The following CNTNAP2 variants were observed in gnomAD, a reference collection of about 807,000 sequenced individuals.
CNTNAP2 encodes the protein contactin associated protein 2, also known as contactin-associated protein-like 2.
CNTNAP2 carries 98 observed loss-of-function variants against 155.2 expected under a neutral mutation model. That is an observed-to-expected ratio of 0.63 (90% confidence interval 0.54 to 0.75). The LOEUF is 0.75. Ranked by LOEUF, CNTNAP2 falls within the 30% of genes least tolerant of loss-of-function variation. The probability of loss-of-function intolerance (pLI) is 0.00; values close to 1 mark genes in which losing one functional copy is unlikely to be tolerated. For synonymous variants in CNTNAP2, 651 were observed against 631.2 expected (o/e 1.03, Z -0.47); for missense variants, 1,727 against 1,688.1 (o/e 1.02, Z -0.40).
intron 12 of CNTNAP2, among the ~76,000 whole-genome samples, chr7:147,570,243 G>C (rs1443969244): frequency 6.6e-6 from 1 of 152,140 alleles, no homozygotes; most frequent in Non-Finnish European, 1.5e-5. Flanking sequence ...CCCACCCCCA[G>C]TCTAGGAGAG....
intron 9 of CNTNAP2, among the ~76,000 whole-genome samples, chr7:147,344,384 G>A (rs145323127): frequency 9.2e-5 from 14 of 152,180 alleles, no homozygotes; most frequent in Non-Finnish European, 1.6e-4. Flanking sequence ...AAGCTAAGAG[G>A]ATAAATTGAA....
intron 9 of CNTNAP2, among the ~76,000 whole-genome samples, chr7:147,331,488 CCG>C (rs1795567916): frequency 6.6e-6 from 1 of 151,938 alleles, no homozygotes; most frequent in Non-Finnish European, 1.5e-5. Context: ...ACAGCATTAG[CCG>C]TGGCAACAAT....
At position 148,283,302 on chromosome 7, in the gene CNTNAP2, A is replaced by AG. The variant is rs1563024753; in HGVS notation, c.3475+16177dup. 2.5e-4 allele frequency among the ~76,000 whole-genome samples: 25 copies of AG among 99,870 alleles called. 1 individual carries two copies. The highest frequency in any genetic ancestry group is 1.3e-3 in the African/African-American group (23 of 17,746). The allele number at this position is 99,870 out of a possible 152,430, so 65.5% of individuals were successfully genotyped here. A position where few individuals can be genotyped will look rare whatever the true frequency, so the allele number is the denominator to read the frequency against. ...AAGAAAGAAAGAAAGAAAGAAAGAA[A>AG]GAAAGGAAGGAAGGAAGGAAAGAAA... On this transcript the variant is annotated intron_variant, in intron 21 of 23. Coordinates refer to ENST00000361727, the MANE Select transcript of CNTNAP2 (RefSeq NM_014141.6).
intron 15 of CNTNAP2, among the ~76,000 whole-genome samples, chr7:148,029,213 C>A (rs1802425483): frequency 6.6e-6 from 1 of 152,068 alleles, no homozygotes; most frequent in African/African-American, 2.4e-5. Flanking sequence ...ACAGTGAGCT[C>A]AGCAAAACAA....
intron 3 of CNTNAP2, among the ~76,000 whole-genome samples, chr7:147,033,491 A>T (rs1799084790): frequency 6.6e-6 from 1 of 151,928 alleles, no homozygotes; most frequent in African/African-American, 2.4e-5. Flanking sequence ...TCAGTCTAGC[A>T]TGCTCTATTT....
chr7:147,975,008 T>C (rs1801401465), intron 14 of CNTNAP2, among the ~76,000 whole-genome samples: 1 of 151,564 alleles, frequency 6.6e-6, no homozygotes, highest in African/African-American at 2.4e-5. Context: ...ACATGTATTA[T>C]ACAATTTTTT....
At position 147,670,955 on chromosome 7, in the gene CNTNAP2, C is replaced by G. The variant is rs143306602; in HGVS notation, c.2098+31649C>G. Among the ~76,000 whole-genome samples, 383 of 152,336 alleles carry G rather than the reference C, an allele frequency of 2.5e-3. 1 individual carries two copies. The highest frequency in any genetic ancestry group is 8.8e-3 in the African/African-American group (365 of 41,580). On this transcript the variant is annotated intron_variant, in intron 13 of 23. Coordinates refer to ENST00000361727, the MANE Select transcript of CNTNAP2 (RefSeq NM_014141.6). ...CTAAAAGAGCACTGTAACACTCCCT[C>G]TGGAGCTTCAGGGGTCATGGGCATC...
intron 1 of CNTNAP2, among the ~76,000 whole-genome samples, chr7:146,613,280 G>T (rs951969969): frequency 6.6e-6 from 1 of 152,164 alleles, no homozygotes; most frequent in Non-Finnish European, 1.5e-5. Context: ...TGGCACTAAA[G>T]AACTCTGATA....
chr7:146,239,353 A>C (rs1799523912), intron 1 of CNTNAP2, among the ~76,000 whole-genome samples: 1 of 152,138 alleles, frequency 6.6e-6, no homozygotes, highest in Non-Finnish European at 1.5e-5. Context: ...TAAAAAGCAA[A>C]GTTTTTCATT....
chr7:146,206,332 G>A (rs1055785466), intron 1 of CNTNAP2, among the ~76,000 whole-genome samples: 5 of 151,096 alleles, frequency 3.3e-5, no homozygotes, highest in African/African-American at 4.8e-5. Flanking sequence ...AAACATATAC[G>A]TGAAATTATT....
chr7:146,179,425 A>C lies in CNTNAP2; in HGVS notation c.97+62452A>C, dbSNP rs60999139. Among the ~76,000 whole-genome samples, 660 of 152,288 alleles carry C rather than the reference A, an allele frequency of 4.3e-3. 2 individuals are homozygous for C. The highest frequency in any genetic ancestry group is 0.015 in the African/African-American group (620 of 41,564). Reference sequence around the variant, plus strand: ...ATATAACCTAGAAAGTCAGAAAAAAACTTTAGCATTTAGTTCACTAAAAGA... The same window carrying C: ...ATATAACCTAGAAAGTCAGAAAAAACCTTTAGCATTTAGTTCACTAAAAGA... On this transcript the variant is annotated intron_variant, in intron 1 of 23. Transcript: ENST00000361727.
intron 4 of CNTNAP2, among the ~76,000 whole-genome samples, chr7:147,045,904 A>G (rs1799348482): frequency 6.6e-6 from 1 of 152,100 alleles, no homozygotes; most frequent in Admixed American, 6.6e-5. Context: ...TCCTTCATGG[A>G]GACTACGTGT....
intron 12 of CNTNAP2, among the ~76,000 whole-genome samples, chr7:147,584,871 T>G (rs942372633): frequency 1.3e-5 from 2 of 152,164 alleles, no homozygotes; most frequent in South Asian, 2.1e-4. Flanking sequence ...AAAAACTCCC[T>G]ATCCTCAGCT....
intron 2 of CNTNAP2, among the ~76,000 whole-genome samples, chr7:146,781,984 A>G (rs886373996): frequency 6.6e-6 from 1 of 152,116 alleles, no homozygotes; most frequent in Non-Finnish European, 1.5e-5. Flanking sequence ...TGGCCCACTC[A>G]TGACCGCCCG....
chr7:147,012,898 T>C (rs759995987), intron 3 of CNTNAP2, among the ~76,000 whole-genome samples: 3 of 152,094 alleles, frequency 2.0e-5, no homozygotes, highest in Non-Finnish European at 4.4e-5. Flanking sequence ...TTGCAGCCAG[T>C]GTAAACACAG....
intron 1 of CNTNAP2, among the ~76,000 whole-genome samples, chr7:146,293,774 CTA>C (rs1197236183): frequency 1.4e-5 from 2 of 146,496 alleles, no homozygotes; most frequent in Admixed American, 6.7e-5. Context: ...GAAAAAATAA[CTA>C]TTATTAATAT....
intron 3 of CNTNAP2, among the ~76,000 whole-genome samples, chr7:146,857,036 C>T (rs1174485760): frequency 3.3e-5 from 5 of 152,044 alleles, no homozygotes; most frequent in African/African-American, 7.2e-5. Context: ...AAGGTTTATT[C>T]GATGTAGCAA....
intron 8 of CNTNAP2, among the ~76,000 whole-genome samples, chr7:147,136,526 A>AAGGG (rs1801482213): frequency 6.6e-6 from 1 of 151,834 alleles, no homozygotes; most frequent in Non-Finnish European, 1.5e-5. Flanking sequence ...TGGGTGTCTC[A>AAGGG]AGGGAGGAGT....
At chr7:147,531,999 G>A (rs1448792451) in intron 11 of CNTNAP2, among the ~76,000 whole-genome samples, 2 of 151,996 alleles carry the variant, frequency 1.3e-5, no homozygotes, top group Non-Finnish European at 2.9e-5. Context: ...AGTAGAGACA[G>A]GGTTTCACCA....
Sources: gnomAD v4.1 joint callset for allele counts (sites outside exome capture counted in the v4.1 genomes callset) on GRCh38, gnomAD v4.1.1 for gene constraint, MANE v1.5 for transcripts, NCBI Gene and HGNC (gene_info 2026-07-23, HGNC 2026-07-21) for gene names.